The following CCDC38 variants were observed in gnomAD, a reference collection of about 807,000 sequenced individuals.
The protein encoded by CCDC38 is coiled-coil domain-containing protein 38.
CCDC38 carries 69 observed loss-of-function variants against 72.8 expected under a neutral mutation model. The ratio of observed to expected loss-of-function variants is 0.95; its 90% CI spans 0.78 to 1.16. The LOEUF (loss-of-function observed/expected upper bound fraction) is 1.16. Ranked by LOEUF, CCDC38 falls within the 50% of genes most tolerant of loss-of-function variation. The probability of loss-of-function intolerance (pLI) is 0.00; values close to 1 mark genes in which losing one functional copy is unlikely to be tolerated. For missense variants in CCDC38, 626 were observed against 638.9 expected (o/e 0.98, Z 0.22); for synonymous variants, 201 against 213.2 (o/e 0.94, Z 0.50).
At chr12:95,867,740 C>G (rs1381697980) in intron 15 of CCDC38, among the ~76,000 whole-genome samples, 1 of 152,206 alleles carries the variant, frequency 6.6e-6, no homozygotes, top group Non-Finnish European at 1.5e-5. Context: ...CATATATACT[C>G]AAATATATTA....
intron 2 of CCDC38, chr12:95,919,394 T>C (rs917483516): frequency 7.6e-6 from 3 of 392,506 alleles, no homozygotes; most frequent in African/African-American, 6.2e-5. Flanking sequence ...GATTCAGCTA[T>C]TGTTACAGGG....
intron 5 of CCDC38, among the ~76,000 whole-genome samples, chr12:95,899,240 T>A (rs1252983249): frequency 6.6e-6 from 1 of 152,230 alleles, no homozygotes; most frequent in Admixed American, 6.5e-5. Context: ...CTTTGACATC[T>A]GCCTTCTAGT....
At chr12:95,918,311 TC>T (rs2080168123) in intron 3 of CCDC38, among the ~76,000 whole-genome samples, 1 of 152,132 alleles carries the variant, frequency 6.6e-6, no homozygotes. Context: ...CCTTCTTCCT[TC>T]CCCAGCACAC....
At chr12:95,903,058 G>A (rs528211331) in intron 5 of CCDC38, among the ~76,000 whole-genome samples, 1 of 151,936 alleles carries the variant, frequency 6.6e-6, no homozygotes, top group African/African-American at 2.4e-5. Context: ...CATTTATTTA[G>A]GTCTTTAATT....
chr12:95,928,359 G>A (rs1291176817), intron 2 of CCDC38, among the ~76,000 whole-genome samples: 13 of 152,044 alleles, frequency 8.6e-5, no homozygotes, highest in Non-Finnish European at 1.3e-4. Context: ...CATTCTTCAC[G>A]TAGTTCTTGA....
intron 4 of CCDC38, among the ~76,000 whole-genome samples, chr12:95,906,909 A>G (rs1325168778): frequency 2.0e-5 from 3 of 149,348 alleles, no homozygotes. Context: ...TAGTGGAGGG[A>G]AGGTCAGCAG....
At chr12:95,876,801 T>C (rs910809009) in intron 13 of CCDC38, among the ~76,000 whole-genome samples, 1 of 152,196 alleles carries the variant, frequency 6.6e-6, no homozygotes, top group Admixed American at 6.5e-5. Flanking sequence ...CCAGTTCTAC[T>C]TCTGTTTGAA....
intron 10 of CCDC38, among the ~76,000 whole-genome samples, chr12:95,884,324 CA>C (rs2121439036): frequency 6.6e-6 from 1 of 152,250 alleles, no homozygotes; most frequent in East Asian, 1.9e-4. Context: ...ATACCATTTA[CA>C]ATTGTTCAAA....
chr12:95,918,902 C>A lies in CCDC38; in HGVS notation c.112G>T (p.Glu38Ter), dbSNP rs1189552864. The change falls in exon 3 of 16, where the codon GAA (glutamate) becomes TAA (stop). Residue 38 changes from glutamate (E) to a stop codon, truncating the protein, a stop_gained. Coordinates refer to ENST00000344280, the MANE Select transcript of CCDC38 (RefSeq NM_182496.3). LOFTEE classifies it high-confidence loss of function. ...IFFRDLFLVK[E>*]NEMAAKETEK... ...GTTTCCTTTGCTGCCATTTCATTTTCTTTGACAAGAAAGAGATCTCTGAAA... is the reference window on the plus strand; with the variant it reads ...GTTTCCTTTGCTGCCATTTCATTTTATTTGACAAGAAAGAGATCTCTGAAA... The A allele has an allele frequency of 8.7e-6, 14 of 1,610,870 alleles. No homozygotes were observed. The highest frequency in any genetic ancestry group is 3.3e-4 in the Middle Eastern group (2 of 6,080).
At chr12:95,897,553 T>C (rs2079903062) in intron 7 of CCDC38, among the ~76,000 whole-genome samples, 1 of 140,258 alleles carries the variant, frequency 7.1e-6, no homozygotes, top group Admixed American at 8.0e-5. Context: ...GAGGTTTCAG[T>C]GAGCCGAGAT....
At chr12:95,912,666 C>T (rs2080106639) in intron 4 of CCDC38, among the ~76,000 whole-genome samples, 2 of 152,214 alleles carry the variant, frequency 1.3e-5, no homozygotes, top group Non-Finnish European at 2.9e-5. Context: ...TGAATATGCT[C>T]ATTACTCCGA....
intron 2 of CCDC38, among the ~76,000 whole-genome samples, chr12:95,925,332 T>C (rs921514132): frequency 6.6e-6 from 1 of 152,088 alleles, no homozygotes; most frequent in Non-Finnish European, 1.5e-5. Flanking sequence ...CCTGATTTGG[T>C]CCTCTGTTTG....
chr12:95,926,105 C>G (rs2080267628), intron 2 of CCDC38, among the ~76,000 whole-genome samples: 1 of 144,772 alleles, frequency 6.9e-6, no homozygotes, highest in Non-Finnish European at 1.5e-5. Context: ...GGAATAGTTT[C>G]AGAAGGAATG....
chr12:95,914,564 C>A (rs972139511), intron 4 of CCDC38, among the ~76,000 whole-genome samples: 1 of 152,116 alleles, frequency 6.6e-6, no homozygotes, highest in Non-Finnish European at 1.5e-5. Context: ...GAAACTCTAG[C>A]AGATAAAAAG....
rs1163684017 is a variant in CCDC38 at position 95,890,815 on chromosome 12, C to T, written c.871+17G>A. ...ATTCGCAGGTTTTACTTTCATGAGT[C>T]CCAAATCTACCTTTACCTTGGCTGT... On this transcript the variant is annotated intron_variant, in intron 9 of 15. Transcript: ENST00000344280. 4.6e-6 allele frequency: 7 copies of T among 1,510,854 alleles called. No homozygotes were observed. In the African/African-American group the frequency reaches 8.3e-5, roughly 18 times the overall value. 93.6% of individuals were successfully genotyped at this position (1,510,854 alleles called of 1,614,324 possible).
chr12:95,874,596 A>G (rs1207552451), intron 13 of CCDC38, among the ~76,000 whole-genome samples: 1 of 152,242 alleles, frequency 6.6e-6, no homozygotes, highest in African/African-American at 2.4e-5. Context: ...GCACAGGCCA[A>G]TTGATGACAG....
intron 5 of CCDC38, among the ~76,000 whole-genome samples, chr12:95,901,204 A>G (rs1349949154): frequency 6.6e-6 from 1 of 152,206 alleles, no homozygotes; most frequent in African/African-American, 2.4e-5. Context: ...ATCTGTTTGG[A>G]TGTGGATTGT....
chr12:95,878,131 A>C, intron 13 of CCDC38, 80 bp downstream of exon 13: 2 of 1,501,794 alleles, frequency 1.3e-6, no homozygotes, highest in Admixed American at 3.6e-5. Context: ...TAACTCTCCT[A>C]TTCACATACT....
At chr12:95,893,854 T>C (rs1402643389) in intron 8 of CCDC38, among the ~76,000 whole-genome samples, 1 of 151,946 alleles carries the variant, frequency 6.6e-6, no homozygotes, top group Non-Finnish European at 1.5e-5. Context: ...CATAAATATG[T>C]TAATATATAA....
Sources: allele counts gnomAD v4.1 joint callset (sites outside exome capture counted in the v4.1 genomes callset), GRCh38; gene constraint gnomAD v4.1.1; transcripts MANE v1.5; gene names NCBI Gene and HGNC (gene_info 2026-07-23, HGNC 2026-07-21).